Variants in PPP2R3B observed in about 807,000 individuals in gnomAD.
PPP2R3B encodes the protein serine/threonine-protein phosphatase 2A regulatory subunit B'' subunit beta.
A neutral mutation model predicts 72.9 loss-of-function variants in PPP2R3B; 68 were observed. The ratio of observed to expected loss-of-function variants is 0.93; its 90% CI spans 0.77 to 1.14. The LOEUF is 1.14. Among genes scored for constraint, PPP2R3B ranks in the 50% most tolerant of loss-of-function variants. The pLI is 0.00. For synonymous variants in PPP2R3B, 466 were observed against 375.8 expected, an observed-to-expected ratio of 1.24 and a Z score of -2.78; for missense variants, 1,018 against 842.0, an observed-to-expected ratio of 1.21 and a Z score of -2.59.
chrX:353,706 G>A (rs1037326920), intron 2 of PPP2R3B, among the ~76,000 whole-genome samples: 3 of 152,264 alleles, frequency 2.0e-5, no homozygotes, highest in Non-Finnish European at 4.4e-5. Context: ...ACACATAGGA[G>A]AAGTGTGACA....
intron 12 of PPP2R3B, chrX:334,718 G>A (rs1403285543): frequency 4.9e-6 from 3 of 611,060 alleles, no homozygotes; most frequent in African/African-American, 2.0e-5. Flanking sequence ...GGAGGGGCCT[G>A]CGGTGCAGGT....
intron 2 of PPP2R3B, among the ~76,000 whole-genome samples, chrX:356,367 C>T (rs1163452260): frequency 6.6e-6 from 1 of 152,160 alleles, no homozygotes; most frequent in Non-Finnish European, 1.5e-5. Context: ...AGGTGCCCGC[C>T]ACCATACCTG....
At position 334,001 on chromosome X, in the gene PPP2R3B, T is replaced by G. The variant is rs1349731655; in HGVS notation, c.*366A>C. 1 of 217,876 alleles carries G rather than the reference T, an allele frequency of 4.6e-6. No homozygotes were observed. The highest frequency in any genetic ancestry group is 9.6e-5 in the East Asian group (1 of 10,380). The allele number at this position is 217,876 out of a possible 1,614,324, so 13.5% of individuals were successfully genotyped here. A position where few individuals can be genotyped will look rare whatever the true frequency, so the allele number is the denominator to read the frequency against. Reference sequence around the variant, plus strand: ...GTTTACACAAAACATTCACACAGCCTGTGGTGGAGGCTCCTGTCCAGGACT... The same window carrying G: ...GTTTACACAAAACATTCACACAGCCGGTGGTGGAGGCTCCTGTCCAGGACT... On this transcript the variant is annotated 3_prime_UTR_variant, in exon 13 of 13. Transcript: ENST00000390665.
intron 1 of PPP2R3B, among the ~76,000 whole-genome samples, chrX:368,785 G>A (rs1231413736): frequency 9.9e-5 from 10 of 100,874 alleles, no homozygotes; most frequent in Admixed American, 9.3e-4. Flanking sequence ...CACCGACACG[G>A]GGAAGGCCGG....
At chrX:383,794 C>T (rs1283593781) in intron 1 of PPP2R3B, among the ~76,000 whole-genome samples, 2 of 136,376 alleles carry the variant, frequency 1.5e-5, no homozygotes, top group Non-Finnish European at 3.1e-5. Context: ...GCCGAGATCG[C>T]GCCACTGCAC....
Position 346,277 on chromosome X carries a change from A to C in PPP2R3B, c.793-17T>G. The C allele has an allele frequency of 6.4e-7, 1 of 1,556,388 alleles. No homozygotes were observed. Among genetic ancestry groups the C allele is most frequent in the Non-Finnish European group, 8.7e-7 (1 of 1,151,760 alleles). On this transcript the variant is annotated splice_polypyrimidine_tract_variant and intron_variant, in intron 5 of 12. Coordinates refer to ENST00000390665, the MANE Select transcript of PPP2R3B (RefSeq NM_013239.5). ...CTGGATGACCTGCGGGGGCGCTGTC[A>C]GTGCGGTGGGTGCGCAGAGACCCCC...
intron 7 of PPP2R3B, among the ~76,000 whole-genome samples, chrX:343,744 AGGAGACG>A (rs1181866982): frequency 2.7e-5 from 2 of 73,308 alleles, no homozygotes; most frequent in Admixed American, 1.2e-4. Flanking sequence ...GACCTCACCA[AGGAGACG>A]CGGGAGTGAG....
intron 2 of PPP2R3B, among the ~76,000 whole-genome samples, chrX:353,944 G>A (rs1485890429): frequency 7.0e-6 from 1 of 143,394 alleles, no homozygotes; most frequent in African/African-American, 2.6e-5. Context: ...GCTCACCCAG[G>A]GAGCAGGGGC....
At chrX:363,257 G>A (rs1292393097) in intron 1 of PPP2R3B, among the ~76,000 whole-genome samples, 8 of 101,640 alleles carry the variant, frequency 7.9e-5, no homozygotes, top group Admixed American at 6.0e-4. Context: ...CCGAGCCCAT[G>A]ATCCCGCAGT....
chrX:344,984 C>A (rs534039351), intron 7 of PPP2R3B: 56 of 356,764 alleles, frequency 1.6e-4, no homozygotes, highest in Middle Eastern at 1.0e-3. Flanking sequence ...AGGCCACAGG[C>A]CGCTTTGAGT....
intron 2 of PPP2R3B, among the ~76,000 whole-genome samples, chrX:353,875 A>AG (rs754362942): frequency 0.021 from 1,584 of 75,174 alleles, 210 homozygotes; most frequent in East Asian, 0.12. Flanking sequence ...CCCAAAGACC[A>AG]GGGCTCACCC....
At chrX:352,043 G>A (rs1277382498) in intron 2 of PPP2R3B, among the ~76,000 whole-genome samples, 2 of 152,206 alleles carry the variant, frequency 1.3e-5, no homozygotes, top group East Asian at 3.9e-4. Context: ...GGAGAGTGCT[G>A]GGCACACAGT....
At chrX:364,665 C>G (rs1167427116) in intron 1 of PPP2R3B, among the ~76,000 whole-genome samples, 2 of 123,628 alleles carry the variant, frequency 1.6e-5, no homozygotes, top group Non-Finnish European at 3.3e-5. Flanking sequence ...TTGCAGTGAG[C>G]TGAGATCGCA....
At chrX:375,535 C>T (rs1253726973) in intron 1 of PPP2R3B, among the ~76,000 whole-genome samples, 3 of 148,460 alleles carry the variant, frequency 2.0e-5, no homozygotes, top group Admixed American at 2.0e-4. Flanking sequence ...GCAGAGGTGC[C>T]GTCCCGTCAC....
intron 1 of PPP2R3B, among the ~76,000 whole-genome samples, chrX:372,694 CACGCCCCTA>C (rs2071892276): frequency 6.6e-6 from 1 of 152,208 alleles, no homozygotes; most frequent in Non-Finnish European, 1.5e-5. Context: ...GGTGGAGGCT[CACGCCCCTA>C]CTCCCAGCAC....
chrX:364,341 G>T (rs993710514), intron 1 of PPP2R3B, among the ~76,000 whole-genome samples: 2 of 151,886 alleles, frequency 1.3e-5, no homozygotes, highest in African/African-American at 4.8e-5. Context: ...TCTCCTGCAG[G>T]TTTGCAAACC....
In PPP2R3B at chrX:334,388, G is replaced by A. The variant is rs13927; in HGVS notation, c.1707C>T (p.Asp569=). 1.3e-3 allele frequency: 2,032 copies of A among 1,527,016 alleles called. 25 individuals are homozygous for A. In the South Asian group the frequency reaches 0.022, roughly 17 times the overall value. The allele number at this position is 1,527,016 out of a possible 1,614,324, so 94.6% of individuals were successfully genotyped here. A position where few individuals can be genotyped will look rare whatever the true frequency, so the allele number is the denominator to read the frequency against. The change falls in exon 13 of 13, where the codon GAC becomes GAT. Residue 569 remains aspartate (D), a synonymous_variant. Transcript: ENST00000390665. ...AVDLYEYACG[D]EDLEPL is the part of the protein sequence containing the mutation. ...GGCGTCACAGCGGCTCCAGGTCCTC[G>A]TCCCCGCATGCGTACTCGTACAGGT...
chrX:367,009 C>G (rs183757897), intron 1 of PPP2R3B, among the ~76,000 whole-genome samples: 5 of 150,172 alleles, frequency 3.3e-5, no homozygotes, highest in Admixed American at 1.3e-4. Flanking sequence ...GCCTGGGTGA[C>G]AGAGTGAGAC....
At chrX:356,657 C>G (rs1418437556) in intron 2 of PPP2R3B, among the ~76,000 whole-genome samples, 1 of 152,210 alleles carries the variant, frequency 6.6e-6, no homozygotes, top group Non-Finnish European at 1.5e-5. Context: ...AGCAGCTTTA[C>G]TCACAAGAAG....
Sources: allele counts gnomAD v4.1 joint callset (sites outside exome capture counted in the v4.1 genomes callset), GRCh38; gene constraint gnomAD v4.1.1; transcripts MANE v1.5; gene names NCBI Gene and HGNC (gene_info 2026-07-23, HGNC 2026-07-21).